CRACDL: variants seen among roughly 807,000 people sequenced by gnomAD.
The protein encoded by CRACDL is CRACD like.
In CRACDL, 26 loss-of-function variants were observed where a neutral mutation model predicts 70.6. The observed-to-expected ratio is 0.37, with a 90% CI of 0.27 to 0.51. The LOEUF is 0.51. Ranked by LOEUF, CRACDL falls within the 20% of genes least tolerant of loss-of-function variation. CRACDL has a pLI of 0.94. For missense variants in CRACDL, 1,283 were observed against 1,376.9 expected, an observed-to-expected ratio of 0.93 and a Z score of 1.08; for synonymous variants, 618 against 615.2, an observed-to-expected ratio of 1.00 and a Z score of -0.07.
chr2:98,816,492 C>T (rs1218881703), intron 7 of CRACDL, among the ~76,000 whole-genome samples: 3 of 152,092 alleles, frequency 2.0e-5, no homozygotes, highest in South Asian at 4.1e-4. Context: ...GAGAACTGTG[C>T]TGGAGGTGGC....
intron 1 of CRACDL, among the ~76,000 whole-genome samples, chr2:98,927,444 A>AAC (rs1476565559): frequency 6.6e-6 from 1 of 152,272 alleles, no homozygotes; most frequent in East Asian, 1.9e-4. Flanking sequence ...AATTCTGAGT[A>AAC]ACACAGATGC....
At position 98,855,326 on chromosome 2, in the gene CRACDL, T is replaced by C. The variant is rs547228383; in HGVS notation, c.-10-8516A>G. Reference sequence around the variant, plus strand: ...AGTTCTTGTTCTTTGGAAGTACATATGTGATTTTCTGAGCTCACTAATAGT... The same window carrying C: ...AGTTCTTGTTCTTTGGAAGTACATACGTGATTTTCTGAGCTCACTAATAGT... On this transcript the variant is annotated intron_variant, in intron 1 of 9. Coordinates refer to ENST00000397899, the MANE Select transcript of CRACDL (RefSeq NM_207362.3). Among the ~76,000 whole-genome samples the C allele has an allele frequency of 2.0e-5, 3 of 152,002 alleles. No individual in the cohort carries two copies. The South Asian group carries it at 6.2e-4, about 32-fold the overall frequency.
intron 5 of CRACDL, among the ~76,000 whole-genome samples, chr2:98,831,686 T>G (rs973562174): frequency 1.3e-5 from 2 of 152,216 alleles, no homozygotes; most frequent in Non-Finnish European, 2.9e-5. Flanking sequence ...GAATTTAAAA[T>G]GTGGCAGCAT....
At chr2:98,824,315 T>A (rs1191882414) in intron 6 of CRACDL, among the ~76,000 whole-genome samples, 1 of 104,112 alleles carries the variant, frequency 9.6e-6, no homozygotes, top group Non-Finnish European at 1.8e-5. Flanking sequence ...TCCAAGATAC[T>A]CTACCAGGGC....
At chr2:98,891,085 T>C (rs554162649) in intron 1 of CRACDL, among the ~76,000 whole-genome samples, 16 of 151,070 alleles carry the variant, frequency 1.1e-4, no homozygotes, top group Non-Finnish European at 1.8e-4. Flanking sequence ...AAATAAAAGA[T>C]TCCAAACTTT....
At chr2:98,887,202 A>C (rs1201320923) in intron 1 of CRACDL, among the ~76,000 whole-genome samples, 1 of 152,246 alleles carries the variant, frequency 6.6e-6, no homozygotes, top group Admixed American at 6.5e-5. Context: ...CAATGAAGAA[A>C]AATGGCTTGG....
intron 7 of CRACDL, among the ~76,000 whole-genome samples, chr2:98,811,452 G>A (rs374759713): frequency 9.5e-5 from 14 of 147,096 alleles, no homozygotes; most frequent in East Asian, 8.0e-4. Context: ...GGAGGCTGCA[G>A]CGAGCCAAGA....
intron 1 of CRACDL, chr2:98,869,170 C>G: frequency 2.3e-6 from 3 of 1,304,310 alleles, no homozygotes; most frequent in Non-Finnish European, 3.0e-6. Context: ...AAGCTAGCAG[C>G]AGGGAGAAGA....
chr2:98,929,480 G>A (rs915240409), intron 1 of CRACDL, among the ~76,000 whole-genome samples: 9 of 152,104 alleles, frequency 5.9e-5, no homozygotes, highest in Non-Finnish European at 1.0e-4. Flanking sequence ...CGGGGGAGCC[G>A]CCTCTCTGGT....
chr2:98,804,750 A>G, intron 7 of CRACDL, among the ~76,000 whole-genome samples: 1 of 152,234 alleles, frequency 6.6e-6, no homozygotes, highest in East Asian at 1.9e-4. Flanking sequence ...TTCGGTGTCA[A>G]TGCGTCAACA....
chr2:98,816,447 T>C (rs1704787049), intron 7 of CRACDL, among the ~76,000 whole-genome samples: 1 of 152,194 alleles, frequency 6.6e-6, no homozygotes, highest in South Asian at 2.1e-4. Flanking sequence ...GTTTCTGGCT[T>C]GAGTATCTGG....
At chr2:98,819,766 C>T (rs1704944366) in intron 7 of CRACDL, among the ~76,000 whole-genome samples, 1 of 149,744 alleles carries the variant, frequency 6.7e-6, no homozygotes, top group South Asian at 2.1e-4. Flanking sequence ...CTACTGGGTT[C>T]TATTTCCTCT....
chr2:98,831,664 C>G lies in CRACDL; in HGVS notation c.540+684G>C, dbSNP rs145199712. On this transcript the variant is annotated intron_variant, in intron 5 of 9. Coordinates refer to ENST00000397899, the MANE Select transcript of CRACDL (RefSeq NM_207362.3). ...GTATGGGCATTAAGTGTTCTTACCA[C>G]AATAACATAAAGAATTTAAAATGTG... Among the ~76,000 whole-genome samples, 615 of 152,318 alleles carry G rather than the reference C, an allele frequency of 4.0e-3. 3 individuals are homozygous for G. Among genetic ancestry groups the G allele is most frequent in the Non-Finnish European group, 6.2e-3 (421 of 68,032 alleles).
At chr2:98,807,726 TAGTA>T (rs1704374970) in intron 7 of CRACDL, among the ~76,000 whole-genome samples, 1 of 152,266 alleles carries the variant, frequency 6.6e-6, no homozygotes. Context: ...ACTTGGCACT[TAGTA>T]AGTGCTCACT....
intron 1 of CRACDL, among the ~76,000 whole-genome samples, chr2:98,864,214 T>A (rs1303320854): frequency 6.6e-6 from 1 of 152,124 alleles, no homozygotes; most frequent in African/African-American, 2.4e-5. Flanking sequence ...TGTAATGAAA[T>A]ATTATCCATC....
chr2:98,862,118 G>A (rs955262391), intron 1 of CRACDL, among the ~76,000 whole-genome samples: 7 of 152,018 alleles, frequency 4.6e-5, no homozygotes, highest in African/African-American at 1.7e-4. Flanking sequence ...TCAAAGACTA[G>A]GTCACTCAAA....
At chr2:98,930,693 C>T (rs1241739275) in intron 1 of CRACDL, among the ~76,000 whole-genome samples, 1 of 152,106 alleles carries the variant, frequency 6.6e-6, no homozygotes, top group African/African-American at 2.4e-5. Context: ...TGACAGCTTC[C>T]ACCAGCAGCT....
chr2:98,795,351 C>G (rs887738625), intron 9 of CRACDL, among the ~76,000 whole-genome samples: 2 of 151,966 alleles, frequency 1.3e-5, no homozygotes, highest in African/African-American at 4.8e-5. Context: ...GCTGGGATTA[C>G]AAGCGTAAGC....
intron 1 of CRACDL, among the ~76,000 whole-genome samples, chr2:98,894,719 C>T (rs939836322): frequency 2.0e-5 from 3 of 152,324 alleles, no homozygotes; most frequent in Middle Eastern, 3.4e-3. Context: ...GTTTAACACA[C>T]TTATTTTCAA....
Sources: gnomAD v4.1 joint callset for allele counts (sites outside exome capture counted in the v4.1 genomes callset) on GRCh38, gnomAD v4.1.1 for gene constraint, MANE v1.5 for transcripts, NCBI Gene and HGNC (gene_info 2026-07-23, HGNC 2026-07-21) for gene names.